Variants in RTKN observed in about 807,000 individuals in gnomAD.
The protein encoded by RTKN is rhotekin.
RTKN carries 49 observed loss-of-function variants against 63.5 expected under a neutral mutation model. The ratio of observed to expected loss-of-function variants is 0.77; its 90% CI spans 0.61 to 0.98. The LOEUF is 0.98. RTKN is among the 50% of genes least tolerant of loss of function. The pLI is 0.00. For synonymous variants in RTKN, 295 were observed against 290.4 expected, an observed-to-expected ratio of 1.02 and a Z score of -0.16; for missense variants, 685 against 740.8, an observed-to-expected ratio of 0.92 and a Z score of 0.87.
rs548091721 is a variant in RTKN, at chr2:74,432,683, G to A, written c.112-17C>T. 59 of 1,611,610 alleles carry A rather than the reference G, an allele frequency of 3.7e-5. No individual in the cohort carries two copies. The highest frequency in any genetic ancestry group is 1.7e-4 in the Middle Eastern group (1 of 6,042). ...CTCCGTGTCCTAGCCAGGGTTGGGGGAAGGGTGAGAAGGAAATGTCAGTCA... is the reference window on the plus strand; with the variant it reads ...CTCCGTGTCCTAGCCAGGGTTGGGGAAAGGGTGAGAAGGAAATGTCAGTCA... On this transcript the variant is annotated splice_polypyrimidine_tract_variant and intron_variant, in intron 1 of 11. Coordinates refer to ENST00000272430, the MANE Select transcript of RTKN (RefSeq NM_001015055.2).
intron 2 of RTKN, chr2:74,432,071 C>A (rs1271191674): frequency 5.9e-6 from 2 of 339,042 alleles, no homozygotes. Flanking sequence ...TGAAGGTGAA[C>A]CCCAGATATA....
Position 74,428,357 on chromosome 2 carries a change from C to T in RTKN, c.997G>A (p.Val333Ile). 2 of 1,614,160 alleles carry T rather than the reference C, an allele frequency of 1.2e-6. No homozygotes were observed. Among genetic ancestry groups the T allele is most frequent in the Non-Finnish European group, 1.7e-6 (2 of 1,180,026 alleles). ...CAGAAGAGGTTTGTGCCTTTCAGAACTCCATGCACTTGTGCCCAGTTCTGC... is the reference window on the plus strand; with the variant it reads ...CAGAAGAGGTTTGTGCCTTTCAGAATTCCATGCACTTGTGCCCAGTTCTGC... ...EMQNWAQVHG[V>I]LKGTNLFCYR... is the part of the protein sequence containing the mutation. Residue 333 changes from valine (V) to isoleucine (I), a missense_variant, in exon 9 of 12, where the codon GTT becomes ATT. By Grantham distance (29) the Val-to-Ile change is conservative (BLOSUM62 3). Transcript: ENST00000272430.
Position 74,430,270 on chromosome 2 carries a change from A to T in RTKN, c.527T>A (p.Phe176Tyr). The T allele has an allele frequency of 6.2e-7, 1 of 1,613,840 alleles. No homozygotes were observed. Among genetic ancestry groups the T allele is most frequent in the East Asian group, 2.2e-5 (1 of 44,872 alleles). ...LVDRTLTDIS[F>Y]QSNVLFAEAG... ...TACTCACAAGAGCACATTGCTCTGAAAGGAGATGTCTGTGAGGGTCCTGTC... is the reference window on the plus strand; with the variant it reads ...TACTCACAAGAGCACATTGCTCTGATAGGAGATGTCTGTGAGGGTCCTGTC... The change falls in exon 5 of 12, where the codon TTT (phenylalanine) becomes TAT (tyrosine). Residue 176 changes from phenylalanine (F) to tyrosine (Y), a missense_variant. By Grantham distance (22) the Phe-to-Tyr change is conservative. Transcript: ENST00000272430.
chr2:74,439,949 T>A, intron 1 of RTKN: 1 of 1,144,624 alleles, frequency 8.7e-7, no homozygotes. Context: ...GAGTGTCCAG[T>A]CTCGCTTTGG....
intron 6 of RTKN, 27 bp downstream of exon 6, chr2:74,429,801 G>A: frequency 1.3e-6 from 2 of 1,598,434 alleles, no homozygotes; most frequent in Non-Finnish European, 1.7e-6. Context: ...AGGCAGCTGA[G>A]GGTGGTGTCG....
chr2:74,428,432 C>A (rs369364431), intron 8 of RTKN, 36 bp from the exon 9 acceptor site: 1 of 1,613,974 alleles, frequency 6.2e-7, no homozygotes, highest in South Asian at 1.1e-5. Context: ...GGGGAAGTCA[C>A]GGCCCCCAGT....
At position 74,432,577 on chromosome 2, in the gene RTKN, C is replaced by G; in HGVS notation, c.201G>C (p.Gln67His). ...GCAGGCTCTTGGTGGCCTCCAGAGC[C>G]TGCTCTCGCTGGGAGCAGGCTGCCA... Reference protein sequence around the residue: ...KLLAACSQREQALEATKSLLV... With the variant: ...KLLAACSQREHALEATKSLLV... Residue 67 changes from glutamine to histidine, a missense_variant, in exon 2 of 12, where the codon CAG (glutamine) becomes CAC (histidine). Transcript: ENST00000272430. 1.9e-6 allele frequency: 3 copies of G among 1,614,150 alleles called. No homozygotes were observed. The highest frequency in any genetic ancestry group is 2.2e-5 in the East Asian group (1 of 44,876).
intron 2 of RTKN, 38 bp downstream of exon 2, chr2:74,432,429 T>G: frequency 6.3e-7 from 1 of 1,590,288 alleles, no homozygotes; most frequent in Non-Finnish European, 8.5e-7. Context: ...CCAGAAGGCC[T>G]CCTGCCTCCA....
Position 74,436,247 on chromosome 2 carries a change from A to G in RTKN, c.112-3581T>C, listed in dbSNP as rs1671054530. Among the ~76,000 whole-genome samples the G allele has an allele frequency of 6.6e-6, 1 of 152,224 alleles. No homozygotes were observed. The highest frequency in any genetic ancestry group is 1.5e-5 in the Non-Finnish European group (1 of 68,030). ...GCGCGCAGAGGCGCGCGAGGTCCAGAGAGCTGCACTGGCCTGGGGAGCCGG... is the reference window on the plus strand; with the variant it reads ...GCGCGCAGAGGCGCGCGAGGTCCAGGGAGCTGCACTGGCCTGGGGAGCCGG... On this transcript the variant is annotated intron_variant, in intron 1 of 11. Coordinates refer to ENST00000272430, the MANE Select transcript of RTKN (RefSeq NM_001015055.2). This position sits in a 1 kb window ranked among gnomAD's most constrained non-coding sequence, Gnocchi z 4.3.
chr2:74,430,740 C>A, intron 2 of RTKN, 63 bp from the exon 3 acceptor site: 4 of 1,492,526 alleles, frequency 2.7e-6, no homozygotes, highest in Non-Finnish European at 3.7e-6. Context: ...GCTCTGGTCC[C>A]AACGACTCTA....
chr2:74,432,340 G>A (rs1463105632), intron 2 of RTKN, 127 bp downstream of exon 2: 2 of 934,540 alleles, frequency 2.1e-6, no homozygotes, highest in Non-Finnish European at 1.7e-6. Flanking sequence ...TCTCTCCCAG[G>A]TCCCTGATAA....
At position 74,433,772 on chromosome 2, in the gene RTKN, C is replaced by T. The variant is rs13430762; in HGVS notation, c.112-1106G>A. Among the ~76,000 whole-genome samples the T allele has an allele frequency of 8.4e-3, 1,278 of 152,252 alleles. 13 individuals carry two copies. The highest frequency in any genetic ancestry group is 0.016 in the African/African-American group (658 of 41,544). ...CCTCCCAAAGTGCTGGGATTACAGG[C>T]GTGAGCCACCGCGCCCGGCCTCATT... On this transcript the variant is annotated intron_variant, in intron 1 of 11. Coordinates refer to ENST00000272430, the MANE Select transcript of RTKN (RefSeq NM_001015055.2).
At chr2:74,434,776 A>G (rs895505947) in intron 1 of RTKN, among the ~76,000 whole-genome samples, 4 of 152,206 alleles carry the variant, frequency 2.6e-5, no homozygotes, top group African/African-American at 9.6e-5. Flanking sequence ...AAAAAATATT[A>G]GATCTTTGGA....
chr2:74,430,941 C>A, intron 2 of RTKN: 1 of 504,902 alleles, frequency 2.0e-6, no homozygotes. Context: ...AAGCAACCTC[C>A]CTGACCACCT....
chr2:74,427,659 C>T, intron 9 of RTKN, 67 bp from the exon 10 acceptor site: 4 of 1,514,530 alleles, frequency 2.6e-6, no homozygotes, highest in South Asian at 1.2e-5. Context: ...CAGCCTTGAT[C>T]ACGCCTGCCT....
intron 2 of RTKN, chr2:74,432,200 G>C: frequency 1.6e-6 from 1 of 616,808 alleles, no homozygotes; most frequent in Non-Finnish European, 3.0e-6. Context: ...TAGCAAATTA[G>C]TGCTTTTGCA....
chr2:74,436,103 C>T lies in RTKN; in HGVS notation c.112-3437G>A, dbSNP rs1005785776. Reference sequence around the variant, plus strand: ...TGCACCCAGCTTCAGCCACAAACATCCCAAATGGGTGAGCCTGGCAGGAGG... The same window carrying T: ...TGCACCCAGCTTCAGCCACAAACATTCCAAATGGGTGAGCCTGGCAGGAGG... On this transcript the variant is annotated intron_variant, in intron 1 of 11. Coordinates refer to ENST00000272430, the MANE Select transcript of RTKN (RefSeq NM_001015055.2). This position sits in a 1 kb window ranked among gnomAD's most constrained non-coding sequence, Gnocchi z 4.3. Among the ~76,000 whole-genome samples, 12 of 152,242 alleles carry T rather than the reference C, an allele frequency of 7.9e-5. No individual in the cohort carries two copies. The highest frequency in any genetic ancestry group is 4.6e-4 in the Admixed American group (7 of 15,284).
rs1479671212 is a variant in RTKN, at chr2:74,427,546, G to T, written c.1133C>A (p.Pro378His). 2 of 1,613,740 alleles carry T rather than the reference G, an allele frequency of 1.2e-6. No homozygotes were observed. The highest frequency in any genetic ancestry group is 1.3e-5 in the African/African-American group (1 of 74,894). The change falls in exon 10 of 12, where the codon CCC becomes CAC. Residue 378 changes from proline (P) to histidine (H), a missense_variant. By Grantham distance (77) the Pro-to-His change is moderately conservative (BLOSUM62 -2). Coordinates refer to ENST00000272430, the MANE Select transcript of RTKN (RefSeq NM_001015055.2). The part of the protein sequence containing the change: ...AGELDQALGR[P>H]FTLSISNQYG... ...CTGGTTACTGATGCTTAGGGTGAAGGGCCGTCCTAGAGCCTGGTCCAGCTC... is the reference window on the plus strand; with the variant it reads ...CTGGTTACTGATGCTTAGGGTGAAGTGCCGTCCTAGAGCCTGGTCCAGCTC...
rs763589991 is a variant in RTKN, at chr2:74,428,654, C to A, written c.934G>T (p.Ala312Ser). The A allele has an allele frequency of 6.2e-7, 1 of 1,613,732 alleles. No individual in the cohort carries two copies. Among genetic ancestry groups the A allele is most frequent in the Non-Finnish European group, 8.5e-7 (1 of 1,179,898 alleles). ...ACCTGCACCCTGAGGGTACCACTTG[C>A]AGTGGGCTGAGTCATGCAGAGAGGC... Reference protein sequence around the residue: ...AQPLCMTQPTASGTLRVQQAG... With the variant: ...AQPLCMTQPTSSGTLRVQQAG... The change falls in exon 8 of 12, where the codon GCA becomes TCA. Residue 312 changes from alanine to serine, a missense_variant. Physicochemically the swap from Ala to Ser is moderately conservative, Grantham distance 99 (BLOSUM62 1). Coordinates refer to ENST00000272430, the MANE Select transcript of RTKN (RefSeq NM_001015055.2).
Sources: allele counts gnomAD v4.1 joint callset (sites outside exome capture counted in the v4.1 genomes callset), GRCh38; gene constraint gnomAD v4.1.1; non-coding constraint Gnocchi (gnomAD v3.1); transcripts MANE v1.5; gene names NCBI Gene and HGNC (gene_info 2026-07-23, HGNC 2026-07-21).